ZNF333: variants seen among roughly 807,000 people sequenced by gnomAD.
ZNF333 encodes the protein zinc finger protein 333.
In ZNF333, 61 loss-of-function variants were observed where a neutral mutation model predicts 76.1. That is an observed-to-expected ratio of 0.80 (90% confidence interval 0.65 to 0.99). The LOEUF (loss-of-function observed/expected upper bound fraction) is 0.99. Among genes scored for constraint, ZNF333 ranks in the 50% least tolerant of loss-of-function variants. The pLI is 0.00. For synonymous variants in ZNF333, 284 were observed against 305.0 expected (o/e 0.93, Z 0.72); for missense variants, 717 against 822.4 (o/e 0.87, Z 1.57).
Position 14,716,320 on chromosome 19 carries a change from G to A in ZNF333, c.727+82G>A, listed in dbSNP as rs142131213. 433 of 1,501,200 alleles carry A rather than the reference G, an allele frequency of 2.9e-4. No individual in the cohort carries two copies. In the African/African-American group the frequency reaches 5.2e-3, roughly 18 times the overall value. The allele number at this position is 1,501,200 out of a possible 1,614,324, so 93.0% of individuals were successfully genotyped here. ...GTTGCCTAGGCTGGAGTGTGATGGC[G>A]TGACCTTGGCTCACTGCAACCTCCG... On this transcript the variant is annotated intron_variant, in intron 9 of 11. Coordinates refer to ENST00000292530, the MANE Select transcript of ZNF333 (RefSeq NM_032433.4).
rs892484159 is a variant in ZNF333 at position 14,731,392 on chromosome 19, A to G, written c.*206A>G. 9 of 592,524 alleles carry G rather than the reference A, an allele frequency of 1.5e-5. No individual in the cohort carries two copies. In the Admixed American group the frequency reaches 1.8e-4, roughly 12 times the overall value. 36.7% of individuals were successfully genotyped at this position (592,524 alleles called of 1,614,324 possible). On this transcript the variant is annotated 3_prime_UTR_variant, in exon 12 of 12. Coordinates refer to the ZNF333 transcript ENST00000540689. ...TTCCGGCTTCCGGGAGCTTAGTCAC[A>G]TACTTCTGGCTTCCGGATTGTAGGT...
chr19:14,699,151 C>A, intron 4 of ZNF333, 48 bp from the exon 5 acceptor site: 2 of 1,377,748 alleles, frequency 1.5e-6, no homozygotes, highest in South Asian at 2.3e-5. Context: ...CAATTAATGT[C>A]ACTATTTCTT....
intron 10 of ZNF333, chr19:14,717,409 C>G (rs1207247655): frequency 1.1e-5 from 6 of 545,288 alleles, no homozygotes; most frequent in Non-Finnish European, 2.0e-5. Flanking sequence ...TTGTAGAATC[C>G]TTTTTTGGTA....
chr19:14,701,014 G>T (rs1456499164), intron 5 of ZNF333, among the ~76,000 whole-genome samples: 1 of 152,190 alleles, frequency 6.6e-6, no homozygotes, highest in Non-Finnish European at 1.5e-5. Context: ...GGCTGCAACA[G>T]ACCCCTGGGC....
At position 14,712,867 on chromosome 19, in the gene ZNF333, G is replaced by A. The variant is rs192417908; in HGVS notation, c.512-2515G>A. On this transcript the variant is annotated intron_variant, in intron 7 of 11. Transcript: ENST00000292530. ...AAATAAGGTCACATTTTGAAGTACT[G>A]GGGGTTAGGACTTCTCTTTTTTGGG... is the stretch of plus-strand genomic sequence containing the variant. 3.2e-3 allele frequency among the ~76,000 whole-genome samples: 489 copies of A among 152,248 alleles called. 2 individuals carry two copies. The highest frequency in any genetic ancestry group is 0.013 in the Admixed American group (196 of 15,290).
In ZNF333 at chr19:14,716,189, C is replaced by T. The variant is rs2042425375; in HGVS notation, c.678C>T (p.Ser226=). The T allele has an allele frequency of 1.9e-6, 3 of 1,614,024 alleles. No individual in the cohort carries two copies. The highest frequency in any genetic ancestry group is 2.5e-6 in the Non-Finnish European group (3 of 1,179,996). The stretch of plus-strand genomic sequence containing the variant: ...TGTTTCTGGACTCTACTCAGAGGAG[C>T]CTGTATAGAGATGTGATGCTGGAGA... ...EWVFLDSTQR[S]LYRDVMLENY... Residue 226 remains serine (S), a synonymous_variant, in exon 9 of 12, where the codon AGC becomes AGT. Coordinates refer to ENST00000292530, the MANE Select transcript of ZNF333 (RefSeq NM_032433.4).
intron 7 of ZNF333, 79 bp downstream of exon 7, chr19:14,706,852 C>T: frequency 8.0e-7 from 1 of 1,257,750 alleles, no homozygotes; most frequent in Non-Finnish European, 1.1e-6. Flanking sequence ...GTATCCTATC[C>T]TGCCTGCATT....
intron 1 of ZNF333, among the ~76,000 whole-genome samples, chr19:14,692,021 T>C (rs889949687): frequency 6.6e-6 from 1 of 152,184 alleles, no homozygotes; most frequent in Non-Finnish European, 1.5e-5. Context: ...CTTCTTAGGC[T>C]AGCTATACTG....
chr19:14,731,254 T>G, exon 12 of ZNF333: 1 of 1,437,464 alleles, frequency 7.0e-7, no homozygotes, highest in Non-Finnish European at 9.5e-7. Context: ...CCTCTGGATA[T>G]CAAAGGATCA....
rs746119977 is a variant in ZNF333, at chr19:14,699,296, G to T, written c.306+15G>T. 1.2e-6 allele frequency: 2 copies of T among 1,611,100 alleles called. No individual in the cohort carries two copies. The highest frequency in any genetic ancestry group is 1.7e-6 in the Non-Finnish European group (2 of 1,177,494). ...ACATGCAAATGGTAAGATGCACGGG[G>T]TTTTCCCCGGCTCCCAGCATGGGAG... On this transcript the variant is annotated intron_variant, in intron 5 of 11. Coordinates refer to ENST00000292530, the MANE Select transcript of ZNF333 (RefSeq NM_032433.4).
rs77014535 is a variant in ZNF333 at position 14,721,147 on chromosome 19, C to T, written c.*1822C>T. On this transcript the variant is annotated 3_prime_UTR_variant, in exon 12 of 12. Transcript: ENST00000292530. ...ACACTTTGAGGTATGTACTGTTATC[C>T]CCAATTCCCAGATGAGGAAGCTGAG... is the stretch of plus-strand genomic sequence containing the variant. 682 of 258,398 alleles carry T rather than the reference C, an allele frequency of 2.6e-3. 7 individuals carry two copies. Among genetic ancestry groups the T allele is most frequent in the African/African-American group, 0.015 (641 of 43,192 alleles). 16.0% of individuals were successfully genotyped at this position (258,398 alleles called of 1,614,324 possible).
downstream of ZNF333, among the ~76,000 whole-genome samples, chr19:14,723,161 C>G (rs982557935): frequency 1.3e-5 from 2 of 152,208 alleles, no homozygotes; most frequent in African/African-American, 4.8e-5. Context: ...GTTTTCCCAG[C>G]ACCATTTGTT....
chr19:14,692,509 C>A (rs1007122877), intron 1 of ZNF333, among the ~76,000 whole-genome samples: 1 of 118,682 alleles, frequency 8.4e-6, no homozygotes, highest in African/African-American at 3.8e-5. Context: ...ATTGGATCTT[C>A]TTTTTATTTA....
At chr19:14,697,157 A>G (rs1386361449) in intron 4 of ZNF333, among the ~76,000 whole-genome samples, 1 of 152,110 alleles carries the variant, frequency 6.6e-6, no homozygotes, top group Non-Finnish European at 1.5e-5. Flanking sequence ...ACTTAGCTTT[A>G]TGTTTTCCAG....
At chr19:14,695,288 C>T (rs1361130325) in intron 3 of ZNF333, among the ~76,000 whole-genome samples, 155 bp downstream of exon 3, 1 of 152,230 alleles carries the variant, frequency 6.6e-6, no homozygotes. Context: ...TTCTTTCCCT[C>T]TGTAGTAAGG....
chr19:14,722,585 T>C (rs1334838405), downstream of ZNF333, among the ~76,000 whole-genome samples: 5 of 152,262 alleles, frequency 3.3e-5, no homozygotes, highest in African/African-American at 1.2e-4. Flanking sequence ...AATTGTATCC[T>C]TTGATATGCA....
At chr19:14,723,127 C>T (rs2042610469), downstream of ZNF333, among the ~76,000 whole-genome samples, 2 of 152,168 alleles carry the variant, frequency 1.3e-5, no homozygotes. Context: ...AGTCCAACTT[C>T]ATTCTTTTGC....
intron 5 of ZNF333, among the ~76,000 whole-genome samples, chr19:14,701,255 G>C (rs1422092125): frequency 1.3e-5 from 2 of 152,132 alleles, no homozygotes; most frequent in East Asian, 3.9e-4. Flanking sequence ...TTTTTAAATA[G>C]ATATGGGGTC....
At chr19:14,731,382 G>A (rs1568568455) in exon 12 of ZNF333, 3 of 600,808 alleles carry the variant, frequency 5.0e-6, no homozygotes, top group South Asian at 4.3e-5. Flanking sequence ...GCTTCCGGGA[G>A]CTTAGTCACA....
Sources: gnomAD v4.1 joint callset for allele counts (sites outside exome capture counted in the v4.1 genomes callset) on GRCh38, gnomAD v4.1.1 for gene constraint, MANE v1.5 for transcripts, NCBI Gene and HGNC (gene_info 2026-07-23, HGNC 2026-07-21) for gene names.